MRGPRX2: variants seen among roughly 807,000 people sequenced by gnomAD.
The protein encoded by MRGPRX2 is mas-related G protein-coupled receptor member X2.
For missense variants in MRGPRX2, 389 were observed against 404.5 expected (o/e 0.96, Z 0.33); for synonymous variants, 183 against 175.6 (o/e 1.04, Z -0.33).
At chr11:19,056,587 A>G (rs1849622951) in intron 1 of MRGPRX2, among the ~76,000 whole-genome samples, 160 bp from the exon 2 acceptor site, 1 of 152,160 alleles carries the variant, frequency 6.6e-6, no homozygotes, top group South Asian at 2.1e-4. Context: ...TAGCACCTGG[A>G]TTCAAACTCA....
Position 19,055,932 on chromosome 11 carries a change from G to T in MRGPRX2, c.471C>A (p.Ser157=). 6.2e-7 allele frequency: 1 copy of T among 1,614,202 alleles called. No individual in the cohort carries two copies. Among genetic ancestry groups the T allele is most frequent in the African/African-American group, 1.3e-5 (1 of 75,056 alleles). Reference sequence around the variant, plus strand: ...TCCCTTCCAAGATGCTCAGCAGTAGGGACAGGGCCCAGAGCAGGACACACA... The same window carrying T: ...TCCCTTCCAAGATGCTCAGCAGTAGTGACAGGGCCCAGAGCAGGACACACA... ...AVVCVLLWAL[S]LLLSILEGKF... is the part of the protein sequence containing the mutation. Residue 157 remains serine, a synonymous_variant, in exon 2 of 2, where the codon TCC becomes TCA. Coordinates refer to ENST00000329773, the MANE Select transcript of MRGPRX2 (RefSeq NM_054030.4).
In MRGPRX2 at chr11:19,059,611, T is replaced by TA. The variant is rs529880682; in HGVS notation, c.-26+1007dup. Among the ~76,000 whole-genome samples, 283 of 151,446 alleles carry TA rather than the reference T, an allele frequency of 1.9e-3. 2 individuals carry two copies. The highest frequency in any genetic ancestry group is 6.6e-3 in the African/African-American group (274 of 41,278). On this transcript the variant is annotated intron_variant, in intron 1 of 1. Coordinates refer to ENST00000329773, the MANE Select transcript of MRGPRX2 (RefSeq NM_054030.4). ...ACACTAGATGGGAAGGTCAAACAATTAAAAAAAAGGGAGGTGATAGAATGA... is the reference window on the plus strand; with the variant it reads ...ACACTAGATGGGAAGGTCAAACAATTAAAAAAAAAGGGAGGTGATAGAATGA...
rs1421632721 is a variant in MRGPRX2, at chr11:19,060,623, A to T, written c.-30T>A. On this transcript the variant is annotated 5_prime_UTR_variant, in exon 1 of 2. Transcript: ENST00000329773. Reference sequence around the variant, plus strand: ...GGTTCTTGAACAAACTCTTACCTTAACACCCTTCTTTCTACTGGAGTTGGT... The same window carrying T: ...GGTTCTTGAACAAACTCTTACCTTATCACCCTTCTTTCTACTGGAGTTGGT... 6.6e-6 allele frequency: 1 copy of T among 152,202 alleles called. No homozygotes were observed. The highest frequency in any genetic ancestry group is 1.5e-5 in the Non-Finnish European group (1 of 68,054). The allele number at this position is 152,202 out of a possible 1,614,324, so 9.4% of individuals were successfully genotyped here.
chr11:19,056,693 G>C (rs887562926), intron 1 of MRGPRX2, among the ~76,000 whole-genome samples: 1 of 152,186 alleles, frequency 6.6e-6, no homozygotes, highest in African/African-American at 2.4e-5. Flanking sequence ...CCCACTCACT[G>C]TCACTGTGTC....
intron 1 of MRGPRX2, among the ~76,000 whole-genome samples, chr11:19,058,083 GAAGA>G (rs1565000278): frequency 1.3e-5 from 2 of 152,208 alleles, no homozygotes; most frequent in Non-Finnish European, 2.9e-5. Flanking sequence ...AAACAGTAAG[GAAGA>G]GAGATTAATC....
rs1233410794 is a variant in MRGPRX2, at chr11:19,055,766, A to G, written c.637T>C (p.Ser213Pro). The change falls in exon 2 of 2, where the codon TCC becomes CCC. Residue 213 changes from serine (S) to proline (P), a missense_variant. Physicochemically the swap from Ser to Pro is moderately conservative, Grantham distance 74. Transcript: ENST00000329773. ...LALLVRILCG[S>P]RGLPLTRLYL... is the part of the protein sequence containing the mutation. Reference sequence around the variant, plus strand: ...AGCCTGGTCAGTGGCAGACCCCTGGAGCCACAGAGGATCCTGACCAGCAGG... The same window carrying G: ...AGCCTGGTCAGTGGCAGACCCCTGGGGCCACAGAGGATCCTGACCAGCAGG... 1 of 1,614,104 alleles carries G rather than the reference A, an allele frequency of 6.2e-7. No individual in the cohort carries two copies. Among genetic ancestry groups the G allele is most frequent in the African/African-American group, 1.3e-5 (1 of 74,948 alleles).
At position 19,058,666 on chromosome 11, in the gene MRGPRX2, T is replaced by C. The variant is rs567929933; in HGVS notation, c.-26+1953A>G. ...TGGTCTCGAACTTCTGACCTTGTGA[T>C]CTGCCCGCCTCGGCCTCCCAAAGTG... is the stretch of plus-strand genomic sequence containing the variant. On this transcript the variant is annotated intron_variant, in intron 1 of 1. Transcript: ENST00000329773. Among the ~76,000 whole-genome samples the C allele has an allele frequency of 2.6e-5, 4 of 152,244 alleles. No homozygotes were observed. In the South Asian group the frequency reaches 8.3e-4, roughly 32 times the overall value.
chr11:19,059,223 T>C (rs1849645761), intron 1 of MRGPRX2, among the ~76,000 whole-genome samples: 1 of 152,202 alleles, frequency 6.6e-6, no homozygotes, highest in African/African-American at 2.4e-5. Context: ...GAGAAAGTGA[T>C]ATAACCAGCT....
rs148495929 is a variant in MRGPRX2 at position 19,057,148 on chromosome 11, A to G, written c.-25-721T>C. Among the ~76,000 whole-genome samples the G allele has an allele frequency of 3.1e-3, 477 of 152,304 alleles. 1 individual carries two copies. The highest frequency in any genetic ancestry group is 0.011 in the African/African-American group (458 of 41,586). Reference sequence around the variant, plus strand: ...GCATGGGGAGCCAAGAGTAGTTGAAAATTTGGGCTAAGTGGAACACCAACA... The same window carrying G: ...GCATGGGGAGCCAAGAGTAGTTGAAGATTTGGGCTAAGTGGAACACCAACA... On this transcript the variant is annotated intron_variant, in intron 1 of 1. Transcript: ENST00000329773.
At chr11:19,058,774 C>T (rs554700269) in intron 1 of MRGPRX2, among the ~76,000 whole-genome samples, 4 of 152,284 alleles carry the variant, frequency 2.6e-5, no homozygotes, top group Admixed American at 2.0e-4. Context: ...TTACTTCCCT[C>T]ATTAAGCTCA....
Position 19,054,646 on chromosome 11 carries a change from G to A in MRGPRX2, c.*764C>T, listed in dbSNP as rs1398105315. 6.6e-6 allele frequency: 1 copy of A among 152,218 alleles called. No homozygotes were observed. Among genetic ancestry groups the A allele is most frequent in the Non-Finnish European group, 1.5e-5 (1 of 68,042 alleles). 9.4% of individuals were successfully genotyped at this position (152,218 alleles called of 1,614,324 possible). ...AATTAGAGAGCCCCCAGAGAGGGAA[G>A]ATTAGAACAAAGGCAAAGGGGAAGG... On this transcript the variant is annotated 3_prime_UTR_variant, in exon 2 of 2. Coordinates refer to ENST00000329773, the MANE Select transcript of MRGPRX2 (RefSeq NM_054030.4).
In MRGPRX2 at chr11:19,056,227, A is replaced by T. The variant is rs766555166; in HGVS notation, c.176T>A (p.Met59Lys). The T allele has an allele frequency of 6.2e-7, 1 of 1,614,156 alleles. No homozygotes were observed. Among genetic ancestry groups the T allele is most frequent in the East Asian group, 2.2e-5 (1 of 44,882 alleles). ...GTAGACAGAGAAGGCGTTCCTGCGC[A>T]TGCGGAAGCCCAGGAGCCAGAGCAC... ...GFVLWLLGFR[M>K]RRNAFSVYVL... The change falls in exon 2 of 2, where the codon ATG becomes AAG. Residue 59 changes from methionine (M) to lysine (K), a missense_variant. By Grantham distance (95) the Met-to-Lys change is moderately conservative. Transcript: ENST00000329773.
Position 19,055,770 on chromosome 11 carries a change from A to C in MRGPRX2, c.633T>G (p.Cys211Trp). The C allele has an allele frequency of 6.2e-7, 1 of 1,614,228 alleles. No homozygotes were observed. The highest frequency in any genetic ancestry group is 1.1e-5 in the South Asian group (1 of 91,074). The change falls in exon 2 of 2, where the codon TGT becomes TGG. Residue 211 changes from cysteine to tryptophan, a missense_variant. Physicochemically the swap from Cys to Trp is radical, Grantham distance 215 (BLOSUM62 -2). Transcript: ENST00000329773. Reference sequence around the variant, plus strand: ...TGGTCAGTGGCAGACCCCTGGAGCCACAGAGGATCCTGACCAGCAGGGCCA... The same window carrying C: ...TGGTCAGTGGCAGACCCCTGGAGCCCCAGAGGATCCTGACCAGCAGGGCCA... Reference protein sequence around the residue: ...SSLALLVRILCGSRGLPLTRL... With the variant: ...SSLALLVRILWGSRGLPLTRL...
At chr11:19,056,744 A>G (rs981537356) in intron 1 of MRGPRX2, among the ~76,000 whole-genome samples, 21 of 152,286 alleles carry the variant, frequency 1.4e-4, no homozygotes, top group African/African-American at 4.8e-4. Context: ...TAGGCAGAAT[A>G]TGTGGGGCAG....
In MRGPRX2 at chr11:19,055,386, G is replaced by A. The variant is rs763439974; in HGVS notation, c.*24C>T. 3.8e-6 allele frequency: 6 copies of A among 1,577,694 alleles called. No individual in the cohort carries two copies. In the Admixed American group the frequency reaches 9.0e-5, roughly 24 times the overall value. ...TTGCCTCTCAAAGCCACATATATCT[G>A]ATGGAAGTAGAGGCTGTCCATCTCT... On this transcript the variant is annotated 3_prime_UTR_variant, in exon 2 of 2. Transcript: ENST00000329773.
chr11:19,060,474 A>C (rs1849659395), intron 1 of MRGPRX2, 145 bp downstream of exon 1: 1 of 152,182 alleles, frequency 6.6e-6, no homozygotes, highest in African/African-American at 2.4e-5. Flanking sequence ...CCCCATTCGG[A>C]TCTCCCAGCA....
At chr11:19,059,838 C>T (rs1373296433) in intron 1 of MRGPRX2, among the ~76,000 whole-genome samples, 1 of 152,148 alleles carries the variant, frequency 6.6e-6, no homozygotes, top group Non-Finnish European at 1.5e-5. Context: ...TACACATTGA[C>T]AGGAGATTGG....
At chr11:19,059,945 G>T (rs1849654144) in intron 1 of MRGPRX2, among the ~76,000 whole-genome samples, 1 of 152,296 alleles carries the variant, frequency 6.6e-6, no homozygotes, top group Admixed American at 6.5e-5. Context: ...GCCCTGAAGG[G>T]CTGTGAGTTG....
intron 1 of MRGPRX2, 43 bp from the exon 2 acceptor site, chr11:19,056,470 T>A: frequency 6.5e-7 from 1 of 1,538,654 alleles, no homozygotes; most frequent in African/African-American, 1.4e-5. Context: ...GCATGTTCAC[T>A]GATTTTCATG....
Sources: allele counts gnomAD v4.1 joint callset (sites outside exome capture counted in the v4.1 genomes callset), GRCh38; gene constraint gnomAD v4.1.1; transcripts MANE v1.5; gene names NCBI Gene and HGNC (gene_info 2026-07-23, HGNC 2026-07-21).